The following DPYSL2 variants were observed in gnomAD, a reference collection of about 807,000 sequenced individuals.
The protein encoded by DPYSL2 is dihydropyrimidinase like 2.
In DPYSL2, 13 loss-of-function variants were observed where a neutral mutation model predicts 69.9. That is an observed-to-expected ratio of 0.19 (90% confidence interval 0.12 to 0.30). The LOEUF (loss-of-function observed/expected upper bound fraction) is 0.30. DPYSL2 is among the 10% of genes least tolerant of loss of function. DPYSL2 has a pLI of 1.00. For missense variants in DPYSL2, 587 were observed against 918.9 expected (o/e 0.64, Z 4.67); for synonymous variants, 326 against 359.1 (o/e 0.91, Z 1.04).
rs570463558 is a variant in DPYSL2 at position 26,516,732 on chromosome 8, G to A, written c.354+2053G>A. ...TGCCCAGTTATTAGTAACAGAGGGC[G>A]ATTCTAGCTTGGCCTTTCTGCAGCA... On this transcript the variant is annotated intron_variant, in intron 1 of 13. Coordinates refer to ENST00000521913, the MANE Select transcript of DPYSL2 (RefSeq NM_001197293.3). This position sits in a 1 kb window ranked among gnomAD's most constrained non-coding sequence, Gnocchi z 4.8. 3.3e-5 allele frequency among the ~76,000 whole-genome samples: 5 copies of A among 152,242 alleles called. No homozygotes were observed. The highest frequency in any genetic ancestry group is 2.1e-4 in the South Asian group (1 of 4,830).
At position 26,634,813 on chromosome 8, in the gene DPYSL2, A is replaced by G; in HGVS notation, c.1039A>G (p.Ile347Val). 6.2e-7 allele frequency: 1 copy of G among 1,614,228 alleles called. No homozygotes were observed. The part of the protein sequence containing the change: ...EAEAVNRAIT[I>V]ANQTNCPLYI... The stretch of plus-strand genomic sequence containing the variant: ...CGAAGCCGTGAATCGTGCCATCACC[A>G]TCGCCAACCAGACCAACTGCCCGCT... Residue 347 changes from isoleucine (I) to valine (V), a missense_variant, in exon 8 of 14, where the codon ATC (isoleucine) becomes GTC (valine). By Grantham distance (29) the Ile-to-Val change is conservative. This residue lies in a region of DPYSL2 where 452 missense variants were observed against 754.3 expected (regional missense o/e 0.60). Coordinates refer to ENST00000521913, the MANE Select transcript of DPYSL2 (RefSeq NM_001197293.3).
intron 13 of DPYSL2, among the ~76,000 whole-genome samples, chr8:26,655,016 A>ATT (rs896885899): frequency 3.4e-5 from 5 of 145,574 alleles, no homozygotes; most frequent in Admixed American, 1.4e-4. Flanking sequence ...TAATTTTTTA[A>ATT]TTTTTTTTTT....
chr8:26,575,588 G>A (rs1438901121), intron 1 of DPYSL2, among the ~76,000 whole-genome samples: 1 of 152,152 alleles, frequency 6.6e-6, no homozygotes, highest in Non-Finnish European at 1.5e-5. Flanking sequence ...ATATTTACGA[G>A]TGGAAACGTC....
intron 1 of DPYSL2, among the ~76,000 whole-genome samples, chr8:26,520,524 T>G (rs1808368174): frequency 6.6e-6 from 1 of 152,276 alleles, no homozygotes. Flanking sequence ...AATGGACTGT[T>G]GATCTGTCTT....
intron 7 of DPYSL2, among the ~76,000 whole-genome samples, chr8:26,634,426 A>C: frequency 2.1e-5 from 1 of 47,652 alleles, no homozygotes. Context: ...TGCCATGCCC[A>C]GCTTTTTTTT....
chr8:26,592,681 TAGTC>T (rs1159914993), intron 3 of DPYSL2, among the ~76,000 whole-genome samples: 1 of 151,528 alleles, frequency 6.6e-6, no homozygotes, highest in African/African-American at 2.4e-5. Flanking sequence ...TTCACCATGT[TAGTC>T]AGGCTGGTCA....
rs145053173 is a variant in DPYSL2, at chr8:26,573,232, G to C, written c.355-8737G>C. 1.9e-3 allele frequency among the ~76,000 whole-genome samples: 293 copies of C among 152,302 alleles called. 1 individual carries two copies. The highest frequency in any genetic ancestry group is 6.6e-3 in the African/African-American group (276 of 41,572). ...CTGCCAAGAAGGAAGGCCCGGCAAA[G>C]TGATATTCCTGACTGGGTGTGGTGG... is the stretch of plus-strand genomic sequence containing the variant. On this transcript the variant is annotated intron_variant, in intron 1 of 13. Coordinates refer to ENST00000521913, the MANE Select transcript of DPYSL2 (RefSeq NM_001197293.3).
chr8:26,540,738 T>C (rs951555937), intron 1 of DPYSL2, among the ~76,000 whole-genome samples: 1 of 152,028 alleles, frequency 6.6e-6, no homozygotes, highest in African/African-American at 2.4e-5. Flanking sequence ...AAATCCTTTC[T>C]CTACTAAAAA....
In DPYSL2 at chr8:26,631,850, G is replaced by A. The variant is rs545094214; in HGVS notation, c.1006-2930G>A. On this transcript the variant is annotated intron_variant, in intron 7 of 13. Transcript: ENST00000521913. ...AGCCCACAGGCACCTGCCGGCTGAC[G>A]TCTCCTCTCATGGTGAGTTTGTCAA... 7.9e-5 allele frequency among the ~76,000 whole-genome samples: 12 copies of A among 152,292 alleles called. No homozygotes were observed. The East Asian group carries it at 2.1e-3, about 27-fold the overall frequency.
At chr8:26,589,560 TC>T (rs1456412906) in intron 3 of DPYSL2, among the ~76,000 whole-genome samples, 1 of 152,196 alleles carries the variant, frequency 6.6e-6, no homozygotes, top group African/African-American at 2.4e-5. Context: ...GGTTTAGGTA[TC>T]CGACGTGGAC....
rs1034050371 is a variant in DPYSL2, at chr8:26,610,572, C to T, written c.629-13571C>T. 6.6e-6 allele frequency among the ~76,000 whole-genome samples: 1 copy of T among 152,076 alleles called. No homozygotes were observed. Among genetic ancestry groups the T allele is most frequent in the African/African-American group, 2.4e-5 (1 of 41,388 alleles). ...CTCAAAGTTCCATGCCTGGGGCCCTCCACCCTCCTTCCCTCAATCACGCCT... is the reference window on the plus strand; with the variant it reads ...CTCAAAGTTCCATGCCTGGGGCCCTTCACCCTCCTTCCCTCAATCACGCCT... On this transcript the variant is annotated intron_variant, in intron 3 of 13. Transcript: ENST00000521913. The surrounding 1 kb of genome is among the most constrained non-coding windows in gnomAD (Gnocchi z 4.5).
intron 3 of DPYSL2, 171 bp from the exon 4 acceptor site, chr8:26,623,972 C>T: frequency 1.5e-6 from 1 of 671,478 alleles, no homozygotes; most frequent in Non-Finnish European, 2.5e-6. Context: ...TCTGCTTTCT[C>T]CCTCTTGGAT....
At position 26,643,602 on chromosome 8, in the gene DPYSL2, C is replaced by T; in HGVS notation, c.1283+7C>T. The T allele has an allele frequency of 6.2e-7, 1 of 1,614,178 alleles. No individual in the cohort carries two copies. Among genetic ancestry groups the T allele is most frequent in the Non-Finnish European group, 8.5e-7 (1 of 1,180,030 alleles). On this transcript the variant is annotated splice_region_variant and intron_variant, in intron 9 of 13. Transcript: ENST00000521913. This position sits in a 1 kb window ranked among gnomAD's most constrained non-coding sequence, Gnocchi z 6.5. ...TCAACTCCTTGCTGTCCTGGTGAGTCCTGGCGACTTGTTCACACTTCACAT... is the reference window on the plus strand; with the variant it reads ...TCAACTCCTTGCTGTCCTGGTGAGTTCTGGCGACTTGTTCACACTTCACAT...
chr8:26,534,378 C>T (rs1164730576), intron 1 of DPYSL2, among the ~76,000 whole-genome samples: 2 of 152,052 alleles, frequency 1.3e-5, no homozygotes, highest in South Asian at 2.1e-4. Flanking sequence ...AGGCTGGTCT[C>T]GAACTCCTGG....
chr8:26,530,058 G>A (rs1349347667), intron 1 of DPYSL2, among the ~76,000 whole-genome samples: 1 of 134,524 alleles, frequency 7.4e-6, no homozygotes, highest in Non-Finnish European at 1.5e-5. Flanking sequence ...GTTGCAGTGA[G>A]CCGAGATCGT....
intron 2 of DPYSL2, among the ~76,000 whole-genome samples, chr8:26,583,329 C>CTTT (rs71553807): frequency 7.2e-6 from 1 of 139,078 alleles, no homozygotes. Flanking sequence ...ATAGTGTTCA[C>CTTT]TTTTTTTTTT....
Position 26,626,514 on chromosome 8 carries a change from C to CGT in DPYSL2, c.794-103_794-102insGT. 1 of 923,346 alleles carries CGT rather than the reference C, an allele frequency of 1.1e-6. No individual in the cohort carries two copies. The highest frequency in any genetic ancestry group is 1.7e-6 in the Non-Finnish European group (1 of 583,572). 57.2% of individuals were successfully genotyped at this position (923,346 alleles called of 1,614,324 possible). ...ACACACACACACACACACACACACA[C>CGT]ACACACACGTACACACACAGACAGT... On this transcript the variant is annotated intron_variant, in intron 4 of 13. Transcript: ENST00000521913. This position sits in a 1 kb window ranked among gnomAD's most constrained non-coding sequence, Gnocchi z 4.3.
intron 1 of DPYSL2, among the ~76,000 whole-genome samples, chr8:26,557,636 A>AAAAAAAAAAAAAAC (rs1801011198): frequency 6.7e-6 from 1 of 150,146 alleles, no homozygotes; most frequent in South Asian, 2.1e-4. Flanking sequence ...AAAAAAAAAA[A>AAAAAAAAAAAAAAC]AAAAAAGCCA....
In DPYSL2 at chr8:26,624,440, G is replaced by C; in HGVS notation, c.793+133G>C. The C allele has an allele frequency of 8.4e-7, 1 of 1,193,902 alleles. No individual in the cohort carries two copies. Among genetic ancestry groups the C allele is most frequent in the Non-Finnish European group, 1.2e-6 (1 of 849,296 alleles). The allele number at this position is 1,193,902 out of a possible 1,614,324, so 74.0% of individuals were successfully genotyped here. A position where few individuals can be genotyped will look rare whatever the true frequency, so the allele number is the denominator to read the frequency against. On this transcript the variant is annotated intron_variant, in intron 4 of 13. Transcript: ENST00000521913. This position sits in a 1 kb window ranked among gnomAD's most constrained non-coding sequence, Gnocchi z 4.7. ...CATGCCCATGCCTGCCCCTGGGAAG[G>C]AGAGAGGGCTTTGGGCCGCAGCTTA...
Sources: allele counts gnomAD v4.1 joint callset (sites outside exome capture counted in the v4.1 genomes callset), GRCh38; gene constraint gnomAD v4.1.1; regional missense constraint gnomAD v4.1.1; non-coding constraint Gnocchi (gnomAD v3.1); transcripts MANE v1.5; gene names NCBI Gene and HGNC (gene_info 2026-07-23, HGNC 2026-07-21).